The following FBLN5 variants were observed in gnomAD, a reference collection of about 807,000 sequenced individuals.
The protein encoded by FBLN5 is fibulin-5.
A neutral mutation model predicts 61.6 loss-of-function variants in FBLN5; 24 were observed. That is an observed-to-expected ratio of 0.39 (90% CI 0.28 to 0.55). FBLN5 has a LOEUF of 0.55. FBLN5 is among the 20% of genes least tolerant of loss of function. The probability of loss-of-function intolerance (pLI) is 0.65; values close to 1 mark genes in which losing one functional copy is unlikely to be tolerated. For missense variants in FBLN5, 470 were observed against 594.1 expected (o/e 0.79, Z 2.17); for synonymous variants, 213 against 219.8 (o/e 0.97, Z 0.27).
At chr14:91,894,647 AGGAGGC>A (rs1056246069) in intron 5 of FBLN5, among the ~76,000 whole-genome samples, 3 of 152,060 alleles carry the variant, frequency 2.0e-5, no homozygotes, top group Admixed American at 2.0e-4. Flanking sequence ...ACTCAAACCC[AGGAGGC>A]GGAGGTTGCG....
rs892821393 is a variant in FBLN5 at position 91,906,110 on chromosome 14, C to T, written c.380-11038G>A. Among the ~76,000 whole-genome samples the T allele has an allele frequency of 1.7e-4, 26 of 152,270 alleles. 1 individual carries two copies. Among genetic ancestry groups the T allele is most frequent in the Middle Eastern group, 6.8e-3 (2 of 294 alleles). On this transcript the variant is annotated intron_variant, in intron 4 of 10. Coordinates refer to ENST00000342058, the MANE Select transcript of FBLN5 (RefSeq NM_006329.4). Reference sequence around the variant, plus strand: ...CCATGTTGACCAGGCTGGTCTCGAACTCCCAACCTCAGGTGATCTGCCTGC... The same window carrying T: ...CCATGTTGACCAGGCTGGTCTCGAATTCCCAACCTCAGGTGATCTGCCTGC...
intron 5 of FBLN5, 109 bp downstream of exon 5, chr14:91,894,841 C>CCCCAAAAA: frequency 1.8e-6 from 1 of 563,084 alleles, no homozygotes; most frequent in South Asian, 1.6e-5. Context: ...CCCTCCCTAG[C>CCCCAAAAA]AAAGAAAAGC....
chr14:91,933,875 C>T (rs931973315), intron 4 of FBLN5, among the ~76,000 whole-genome samples: 4 of 151,976 alleles, frequency 2.6e-5, no homozygotes, highest in East Asian at 3.9e-4. Context: ...TGTGGGAGGC[C>T]GAGGCATGAG....
At chr14:91,894,629 G>A (rs1178158439) in intron 5 of FBLN5, among the ~76,000 whole-genome samples, 5 of 152,010 alleles carry the variant, frequency 3.3e-5, no homozygotes, top group Admixed American at 2.6e-4. Context: ...GGCTGAGGCA[G>A]GAGAATCACT....
chr14:91,916,415 C>A (rs149634959), intron 4 of FBLN5, among the ~76,000 whole-genome samples: 3,588 of 152,284 alleles, frequency 0.024, 76 homozygotes, highest in Non-Finnish European at 0.039. Flanking sequence ...CCACTGCACT[C>A]CTGCCTGGGT....
chr14:91,878,016 C>T lies in FBLN5; in HGVS notation c.990-334G>A, dbSNP rs146482383. 894 of 473,342 alleles carry T rather than the reference C, an allele frequency of 1.9e-3. 4 individuals carry two copies. The highest frequency in any genetic ancestry group is 2.6e-3 in the Admixed American group (109 of 41,728). The allele number at this position is 473,342 out of a possible 1,614,324, so 29.3% of individuals were successfully genotyped here. A position where few individuals can be genotyped will look rare whatever the true frequency, so the allele number is the denominator to read the frequency against. ...GCCAAATATGCCACTCCAGCCTGGGCGGCAGAGCAAGACCCTGTCTCAAAA... is the reference window on the plus strand; with the variant it reads ...GCCAAATATGCCACTCCAGCCTGGGTGGCAGAGCAAGACCCTGTCTCAAAA... On this transcript the variant is annotated intron_variant, in intron 9 of 10. Coordinates refer to ENST00000342058, the MANE Select transcript of FBLN5 (RefSeq NM_006329.4).
chr14:91,918,995 C>G (rs959964937), intron 4 of FBLN5, among the ~76,000 whole-genome samples: 1 of 152,016 alleles, frequency 6.6e-6, no homozygotes, highest in Admixed American at 6.6e-5. Flanking sequence ...TCTAAGAAGG[C>G]CTCTGGGAAG....
chr14:91,870,114 C>G lies in FBLN5; in HGVS notation c.*110G>C. ...GGGGCTGACTCTTCGGGGAAACGTT[C>G]AGCAGGAAATGCCTAACGTCTGTGT... On this transcript the variant is annotated 3_prime_UTR_variant, in exon 11 of 11. Transcript: ENST00000342058. 8.6e-7 allele frequency: 1 copy of G among 1,157,836 alleles called. No homozygotes were observed. The highest frequency in any genetic ancestry group is 1.3e-6 in the Non-Finnish European group (1 of 781,792). 71.7% of individuals were successfully genotyped at this position (1,157,836 alleles called of 1,614,324 possible).
intron 4 of FBLN5, among the ~76,000 whole-genome samples, chr14:91,912,220 G>A (rs570222914): frequency 6.6e-6 from 1 of 152,348 alleles, no homozygotes; most frequent in African/African-American, 2.4e-5. Context: ...TTCGGGGCTG[G>A]GTATGGTGAC....
intron 4 of FBLN5, among the ~76,000 whole-genome samples, chr14:91,914,827 T>G (rs1342175321): frequency 6.6e-6 from 1 of 151,794 alleles, no homozygotes; most frequent in Non-Finnish European, 1.5e-5. Context: ...TTTTTTTTGT[T>G]TTGTTTTGTT....
At chr14:91,895,276 A>C (rs539614098) in intron 4 of FBLN5, among the ~76,000 whole-genome samples, 2 of 152,276 alleles carry the variant, frequency 1.3e-5, no homozygotes, top group South Asian at 4.1e-4. Flanking sequence ...GCTCACCAGA[A>C]ATCCACAAAG....
chr14:91,889,717 C>T lies in FBLN5; in HGVS notation c.619+1504G>A, dbSNP rs547391982. On this transcript the variant is annotated intron_variant, in intron 6 of 10. Transcript: ENST00000342058. Reference sequence around the variant, plus strand: ...GATTGCAAAAGCTCACCGGAGTATGCGACGCCCTGTGCTGCCCATGGGCCC... The same window carrying T: ...GATTGCAAAAGCTCACCGGAGTATGTGACGCCCTGTGCTGCCCATGGGCCC... 4.6e-5 allele frequency among the ~76,000 whole-genome samples: 7 copies of T among 152,334 alleles called. No homozygotes were observed. The South Asian group carries it at 1.5e-3, about 32-fold the overall frequency.
intron 4 of FBLN5, among the ~76,000 whole-genome samples, chr14:91,911,875 G>A (rs1339718846): frequency 6.6e-6 from 1 of 151,624 alleles, no homozygotes; most frequent in Non-Finnish European, 1.5e-5. Flanking sequence ...TGACCTTGTA[G>A]ACCTATTAGC....
chr14:91,923,204 AC>A (rs2055771380), intron 4 of FBLN5, among the ~76,000 whole-genome samples: 3 of 152,096 alleles, frequency 2.0e-5, no homozygotes. Flanking sequence ...GAGCACAACC[AC>A]CCAATGAGCT....
intron 10 of FBLN5, among the ~76,000 whole-genome samples, chr14:91,875,482 G>A (rs1487448071): frequency 6.6e-6 from 1 of 152,168 alleles, no homozygotes; most frequent in African/African-American, 2.4e-5. Flanking sequence ...CCAACCACAG[G>A]CCCTACTGCC....
rs138226356 is a variant in FBLN5, at chr14:91,911,717, G to A, written c.380-16645C>T. Among the ~76,000 whole-genome samples, 1,040 of 151,660 alleles carry A rather than the reference G, an allele frequency of 6.9e-3. 10 individuals carry two copies. Among genetic ancestry groups the A allele is most frequent in the South Asian group, 0.033 (156 of 4,762 alleles). ...TCCAAATGCTCTGGGGCCCAGTTGA[G>A]CTCCCTGCCCTCACTACTCACTGCC... On this transcript the variant is annotated intron_variant, in intron 4 of 10. Coordinates refer to ENST00000342058, the MANE Select transcript of FBLN5 (RefSeq NM_006329.4).
intron 4 of FBLN5, among the ~76,000 whole-genome samples, chr14:91,919,432 A>AGGAAGGAT (rs1178918299): frequency 1.1e-4 from 17 of 150,336 alleles, no homozygotes; most frequent in Admixed American, 2.6e-4. Context: ...GAAGGAAGGA[A>AGGAAGGAT]GGATTACCAG....
chr14:91,925,669 T>C (rs535014998), intron 4 of FBLN5, among the ~76,000 whole-genome samples: 2 of 152,314 alleles, frequency 1.3e-5, no homozygotes, highest in Non-Finnish European at 2.9e-5. Context: ...GCGTTTCCCC[T>C]TAAGGAAGGG....
At chr14:91,891,988 C>T (rs1444807058) in intron 5 of FBLN5, among the ~76,000 whole-genome samples, 1 of 152,212 alleles carries the variant, frequency 6.6e-6, no homozygotes, top group African/African-American at 2.4e-5. Context: ...CTCCTCCTTG[C>T]ACCAGAGTGA....
Sources: allele counts gnomAD v4.1 joint callset (sites outside exome capture counted in the v4.1 genomes callset), GRCh38; gene constraint gnomAD v4.1.1; transcripts MANE v1.5; gene names NCBI Gene and HGNC (gene_info 2026-07-23, HGNC 2026-07-21).